The following CNTNAP2 variants were observed in gnomAD, a reference collection of about 807,000 sequenced individuals.
CNTNAP2 encodes the protein contactin-associated protein-like 2.
Under a neutral mutation model 155.2 loss-of-function variants are expected in CNTNAP2, and 98 were observed. That is an observed-to-expected ratio of 0.63 (90% CI 0.54 to 0.75). CNTNAP2 has a LOEUF of 0.75. Among genes scored for constraint, CNTNAP2 ranks in the 30% least tolerant of loss-of-function variants. The pLI is 0.00. For synonymous variants in CNTNAP2, 651 were observed against 631.2 expected, an observed-to-expected ratio of 1.03 and a Z score of -0.47; for missense variants, 1,727 against 1,688.1, an observed-to-expected ratio of 1.02 and a Z score of -0.40.
intron 1 of CNTNAP2, among the ~76,000 whole-genome samples, chr7:146,528,089 ACT>A (rs1584964938): frequency 6.6e-6 from 1 of 151,832 alleles, no homozygotes; most frequent in Non-Finnish European, 1.5e-5. Context: ...GGCATTAAAA[ACT>A]CTCTTAGGGC....
intron 12 of CNTNAP2, among the ~76,000 whole-genome samples, chr7:147,568,047 C>G (rs1299622634): frequency 6.6e-6 from 1 of 152,194 alleles, no homozygotes; most frequent in Non-Finnish European, 1.5e-5. Context: ...GATTGTGCCA[C>G]TGCACTGCAG....
At chr7:147,540,715 C>G (rs2116742809) in intron 11 of CNTNAP2, among the ~76,000 whole-genome samples, 1 of 152,142 alleles carries the variant, frequency 6.6e-6, no homozygotes, top group South Asian at 2.1e-4. Flanking sequence ...CCTGTAATCC[C>G]AGCTACTTGG....
At chr7:147,678,534 C>T (rs916967926) in intron 13 of CNTNAP2, among the ~76,000 whole-genome samples, 20 of 151,854 alleles carry the variant, frequency 1.3e-4, no homozygotes, top group Admixed American at 7.9e-4. Context: ...AGACTTCTAA[C>T]TTTCAGGTAA....
At chr7:147,551,137 A>G (rs1799845046) in intron 11 of CNTNAP2, among the ~76,000 whole-genome samples, 1 of 152,206 alleles carries the variant, frequency 6.6e-6, no homozygotes, top group Non-Finnish European at 1.5e-5. Flanking sequence ...AAATTAGAAG[A>G]CAAACAGTAT....
intron 15 of CNTNAP2, among the ~76,000 whole-genome samples, chr7:148,047,508 C>T (rs373232116): frequency 1.4e-4 from 22 of 152,184 alleles, no homozygotes; most frequent in African/African-American, 4.1e-4. Flanking sequence ...CAACACTGCG[C>T]TTGGGGGCCA....
intron 1 of CNTNAP2, among the ~76,000 whole-genome samples, chr7:146,352,748 C>CTTTTTTTTTTTTTTTTTTT (rs1201897985): frequency 4.5e-5 from 3 of 66,202 alleles, no homozygotes; most frequent in South Asian, 3.8e-4. Flanking sequence ...TAGCATAATT[C>CTTTTTTTTTTTTTTTTTTT]TGTTTTTTTT....
At chr7:146,872,118 A>G (rs555232224) in intron 3 of CNTNAP2, among the ~76,000 whole-genome samples, 93 of 150,644 alleles carry the variant, frequency 6.2e-4, no homozygotes, top group African/African-American at 2.1e-3. Context: ...AGTTAATTAC[A>G]TTGGTACTTA....
intron 4 of CNTNAP2, among the ~76,000 whole-genome samples, chr7:147,106,002 C>T (rs1487806154): frequency 2.0e-5 from 3 of 151,950 alleles, no homozygotes; most frequent in Non-Finnish European, 4.4e-5. Flanking sequence ...GACAGGAATG[C>T]ATTAACATTT....
chr7:146,264,507 A>G (rs1352705511), intron 1 of CNTNAP2, among the ~76,000 whole-genome samples: 1 of 152,046 alleles, frequency 6.6e-6, no homozygotes, highest in African/African-American at 2.4e-5. Flanking sequence ...TCTATCCAGT[A>G]AATTGAGTAA....
At chr7:147,314,816 TAA>T (rs891633771) in intron 9 of CNTNAP2, among the ~76,000 whole-genome samples, 2 of 151,058 alleles carry the variant, frequency 1.3e-5, no homozygotes, top group African/African-American at 4.8e-5. Context: ...TTGCCCCTAG[TAA>T]ATATATAGTC....
intron 1 of CNTNAP2, among the ~76,000 whole-genome samples, chr7:146,525,186 A>G (rs1308312428): frequency 6.6e-6 from 1 of 152,078 alleles, no homozygotes; most frequent in South Asian, 2.1e-4. Flanking sequence ...GGCCCTGGTA[A>G]TCCTCGGCTA....
chr7:148,280,628 G>C (rs1221180874), intron 21 of CNTNAP2, among the ~76,000 whole-genome samples: 1 of 151,840 alleles, frequency 6.6e-6, no homozygotes, highest in Non-Finnish European at 1.5e-5. Context: ...ATTAGAAAAA[G>C]CAATAAAAAG....
At chr7:148,236,487 T>C (rs1179407244) in intron 20 of CNTNAP2, among the ~76,000 whole-genome samples, 1 of 152,232 alleles carries the variant, frequency 6.6e-6, no homozygotes, top group African/African-American at 2.4e-5. Flanking sequence ...TGAACTCATC[T>C]GCTCCATGAC....
chr7:146,295,163 G>A (rs140255634), intron 1 of CNTNAP2, among the ~76,000 whole-genome samples: 34 of 152,252 alleles, frequency 2.2e-4, no homozygotes, highest in African/African-American at 7.9e-4. Flanking sequence ...TATGGAACGT[G>A]TACTATCATG....
At chr7:147,827,975 G>T (rs1798487503) in intron 13 of CNTNAP2, among the ~76,000 whole-genome samples, 1 of 152,130 alleles carries the variant, frequency 6.6e-6, no homozygotes. Flanking sequence ...GATTTCTGAT[G>T]CTAGCTACAC....
intron 3 of CNTNAP2, among the ~76,000 whole-genome samples, chr7:147,016,263 A>T (rs777331364): frequency 6.6e-6 from 1 of 151,938 alleles, no homozygotes; most frequent in Non-Finnish European, 1.5e-5. Context: ...TCTAACTGTC[A>T]TTGGTGAAAA....
At chr7:146,483,302 T>TACAC (rs1563101699) in intron 1 of CNTNAP2, among the ~76,000 whole-genome samples, 1 of 74,344 alleles carries the variant, frequency 1.3e-5, no homozygotes, top group Non-Finnish European at 2.4e-5. Flanking sequence ...TATATATATA[T>TACAC]ATATATATAT....
intron 11 of CNTNAP2, among the ~76,000 whole-genome samples, chr7:147,540,651 T>C (rs753069246): frequency 2.6e-5 from 4 of 151,970 alleles, no homozygotes; most frequent in African/African-American, 4.8e-5. Context: ...GCCAACATGG[T>C]GAAACTCCAT....
At chr7:148,008,109 G>C (rs35084488) in intron 15 of CNTNAP2, among the ~76,000 whole-genome samples, 1 of 151,740 alleles carries the variant, frequency 6.6e-6, no homozygotes, top group Admixed American at 6.6e-5. Flanking sequence ...CATGCCTGTA[G>C]TCTCAGCACT....
Sources: gnomAD v4.1 joint callset for allele counts (sites outside exome capture counted in the v4.1 genomes callset) on GRCh38, gnomAD v4.1.1 for gene constraint, MANE v1.5 for transcripts, NCBI Gene and HGNC (gene_info 2026-07-23, HGNC 2026-07-21) for gene names.